Variants in ITGAE observed in about 807,000 individuals in gnomAD.
ITGAE encodes integrin alpha-E.
A neutral mutation model predicts 136.5 loss-of-function variants in ITGAE; 99 were observed. The observed-to-expected ratio is 0.73, with a 90% CI of 0.62 to 0.86. The LOEUF is 0.86. Among genes scored for constraint, ITGAE ranks in the 40% least tolerant of loss-of-function variants. The pLI is 0.00. For missense variants in ITGAE, 1,447 were observed against 1,515.3 expected (o/e 0.95, Z 0.75); for synonymous variants, 613 against 591.8 (o/e 1.04, Z -0.52).
At chr17:3,746,881 A>G (rs553074604) in intron 17 of ITGAE, among the ~76,000 whole-genome samples, 14 of 152,086 alleles carry the variant, frequency 9.2e-5, no homozygotes, top group Non-Finnish European at 1.6e-4. Context: ...GTGAGCTACC[A>G]CACCCGGCCA....
intron 30 of ITGAE, among the ~76,000 whole-genome samples, chr17:3,716,138 T>A (rs1476324250): frequency 1.3e-5 from 2 of 149,480 alleles, no homozygotes; most frequent in Admixed American, 6.7e-5. Context: ...ACCACCGCAC[T>A]CAAGCCTGGG....
chr17:3,721,991 CCAA>C (rs1180585406), intron 28 of ITGAE, among the ~76,000 whole-genome samples: 1 of 151,868 alleles, frequency 6.6e-6, no homozygotes, highest in African/African-American at 2.4e-5. Context: ...ACCAGCCTCA[CCAA>C]CATGGAGAAA....
rs1381696548 is a variant in ITGAE at position 3,751,823 on chromosome 17, T to C, written c.1720A>G (p.Asn574Asp). The C allele has an allele frequency of 6.2e-7, 1 of 1,613,982 alleles. No individual in the cohort carries two copies. The highest frequency in any genetic ancestry group is 1.3e-5 in the African/African-American group (1 of 74,910). Residue 574 changes from asparagine (N) to aspartate (D), a missense_variant, in exon 15 of 31, where the codon AAT becomes GAT. Asn to Asp is a conservative substitution (Grantham distance 23). This residue lies in a region of ITGAE where 1,031 missense variants were observed against 1,011.4 expected (regional missense o/e 1.02). Coordinates refer to ENST00000263087, the MANE Select transcript of ITGAE (RefSeq NM_002208.5). ...RILSGHPGFT[N>D]ARFGFAMAAM... The stretch of plus-strand genomic sequence containing the variant: ...GCCATGGCAAAGCCAAAGCGGGCAT[T>C]GGTGAACCCGGGGTGCCCACTCAGT...
At chr17:3,770,110 CTTTCT>C (rs1167682410) in intron 2 of ITGAE, among the ~76,000 whole-genome samples, 3 of 148,436 alleles carry the variant, frequency 2.0e-5, no homozygotes, top group African/African-American at 7.5e-5. Flanking sequence ...TTATTTCTTT[CTTTCT>C]TTTTTTTTTT....
At chr17:3,774,634 G>A (rs1008634187) in intron 2 of ITGAE, among the ~76,000 whole-genome samples, 6 of 152,004 alleles carry the variant, frequency 3.9e-5, no homozygotes, top group African/African-American at 7.2e-5. Flanking sequence ...GCGTGGTGGC[G>A]GGCGCCTGTA....
chr17:3,773,952 A>G (rs1257934609), intron 2 of ITGAE, among the ~76,000 whole-genome samples: 1 of 152,232 alleles, frequency 6.6e-6, no homozygotes, highest in Admixed American at 6.5e-5. Context: ...TTGAGACCAA[A>G]TATATTTTTA....
At chr17:3,727,895 T>C in intron 26 of ITGAE, 24 bp downstream of exon 26, 1 of 1,413,810 alleles carries the variant, frequency 7.1e-7, no homozygotes, top group Non-Finnish European at 1.0e-6. Context: ...GAGGTGTGAC[T>C]GATAAAGAAC....
At chr17:3,734,131 C>T (rs559915271) in intron 21 of ITGAE, among the ~76,000 whole-genome samples, 6 of 152,304 alleles carry the variant, frequency 3.9e-5, no homozygotes, top group South Asian at 2.1e-4. Context: ...AGTGCAGTGG[C>T]GCAATCTCGG....
intron 23 of ITGAE, 104 bp downstream of exon 23, chr17:3,731,000 C>T: frequency 2.3e-6 from 2 of 868,144 alleles, no homozygotes; most frequent in Non-Finnish European, 3.7e-6. Context: ...GGTTTCCTTT[C>T]TCCCTGGGCT....
intron 23 of ITGAE, 72 bp from the exon 24 acceptor site, chr17:3,729,627 C>G: frequency 2.0e-6 from 2 of 995,356 alleles, no homozygotes; most frequent in East Asian, 2.4e-5. Context: ...AAGGGCTTCG[C>G]TCTGTTGCCC....
intron 1 of ITGAE, among the ~76,000 whole-genome samples, chr17:3,781,540 A>G (rs573825361): frequency 7.2e-5 from 11 of 152,062 alleles, no homozygotes; most frequent in Middle Eastern, 6.8e-3. Flanking sequence ...GTATTTTAGT[A>G]GAGACGGGGT....
chr17:3,748,424 A>G (rs1321296915), intron 16 of ITGAE, among the ~76,000 whole-genome samples: 1 of 152,138 alleles, frequency 6.6e-6, no homozygotes, highest in Non-Finnish European at 1.5e-5. Context: ...CGTCTCTACT[A>G]AAAAACTCAA....
At chr17:3,777,801 A>G in intron 1 of ITGAE, 141 bp from the exon 2 acceptor site, 1 of 1,003,948 alleles carries the variant, frequency 1.0e-6, no homozygotes, top group East Asian at 2.8e-5. Flanking sequence ...TGAGAGAGAA[A>G]GACTAGACGC....
At chr17:3,748,404 G>A (rs907041152) in intron 16 of ITGAE, among the ~76,000 whole-genome samples, 8 of 152,138 alleles carry the variant, frequency 5.3e-5, no homozygotes, top group Admixed American at 4.6e-4. Flanking sequence ...TGGCCAACTT[G>A]GTGAAACATC....
Position 3,727,981 on chromosome 17 carries a change from A to C in ITGAE, c.3022T>G (p.Cys1008Gly). 6.2e-7 allele frequency: 1 copy of C among 1,614,148 alleles called. No homozygotes were observed. Among genetic ancestry groups the C allele is most frequent in the Admixed American group, 1.7e-5 (1 of 60,022 alleles). Residue 1008 changes from cysteine (C) to glycine (G), a missense_variant, in exon 26 of 31, where the codon TGC (cysteine) becomes GGC (glycine). Coordinates refer to ENST00000263087, the MANE Select transcript of ITGAE (RefSeq NM_002208.5). The part of the protein sequence containing the change: ...LFGAEYQLQI[C>G]VPTKLRGLQV... ...AGACCTCGTAATTTGGTTGGGACGCAAATTTGCAACTGGTATTCTGCTCCA... is the reference window on the plus strand; with the variant it reads ...AGACCTCGTAATTTGGTTGGGACGCCAATTTGCAACTGGTATTCTGCTCCA...
intron 2 of ITGAE, among the ~76,000 whole-genome samples, chr17:3,772,314 G>A (rs942634271): frequency 6.6e-6 from 1 of 152,024 alleles, no homozygotes; most frequent in Non-Finnish European, 1.5e-5. Flanking sequence ...CATGAGCCCG[G>A]GAGCTCCATG....
rs374518953 is a variant in ITGAE, at chr17:3,723,286, A to G, written c.3237+2T>C. 1.2e-6 allele frequency: 2 copies of G among 1,600,852 alleles called. No homozygotes were observed. Among genetic ancestry groups the G allele is most frequent in the Non-Finnish European group, 8.6e-7 (1 of 1,168,078 alleles). On this transcript the variant is annotated splice_donor_variant, in intron 28 of 30. Transcript: ENST00000263087. LOFTEE classifies it high-confidence loss of function. ...AATCTGGAGCATTTCAGTCTCAAACACCTCCTCAGAGTGATCCCAGGAGAT... is the reference window on the plus strand; with the variant it reads ...AATCTGGAGCATTTCAGTCTCAAACGCCTCCTCAGAGTGATCCCAGGAGAT...
chr17:3,771,691 C>T (rs2052427730), intron 2 of ITGAE, among the ~76,000 whole-genome samples: 1 of 152,022 alleles, frequency 6.6e-6, no homozygotes, highest in African/African-American at 2.4e-5. Context: ...CGCCCACCAC[C>T]ACACCCGGCT....
At position 3,732,461 on chromosome 17, in the gene ITGAE, G is replaced by A. The variant is rs1296481869; in HGVS notation, c.2661C>T (p.Pro887=). ...NLQLKRMQKP[P]SPNIQCDDPQ... ...GGTCATCACACTGAATGTTTGGAGA[G>A]GGAGGCTGTTAAAAGAGCAGATGAC... The change falls in exon 22 of 31, where the codon CCC becomes CCT. Residue 887 remains proline (P), a synonymous_variant. Coordinates refer to ENST00000263087, the MANE Select transcript of ITGAE (RefSeq NM_002208.5). The A allele has an allele frequency of 1.2e-6, 2 of 1,613,716 alleles. No individual in the cohort carries two copies. The highest frequency in any genetic ancestry group is 1.1e-5 in the South Asian group (1 of 91,078).
Sources: allele counts gnomAD v4.1 joint callset (sites outside exome capture counted in the v4.1 genomes callset), GRCh38; gene constraint gnomAD v4.1.1; regional missense constraint gnomAD v4.1.1; transcripts MANE v1.5; gene names NCBI Gene and HGNC (gene_info 2026-07-23, HGNC 2026-07-21).